Variants in DPF3 observed in about 807,000 individuals in gnomAD.
DPF3 encodes the protein double PHD fingers 3.
DPF3 carries 18 observed loss-of-function variants against 56.8 expected under a neutral mutation model. The ratio of observed to expected loss-of-function variants is 0.32; its 90% CI spans 0.22 to 0.47. The LOEUF (loss-of-function observed/expected upper bound fraction) is 0.47. Among genes scored for constraint, DPF3 ranks in the 20% least tolerant of loss-of-function variants. The probability of loss-of-function intolerance (pLI) is 1.00; values close to 1 mark genes in which losing one functional copy is unlikely to be tolerated. For missense variants in DPF3, 403 were observed against 488.8 expected (o/e 0.82, Z 1.65); for synonymous variants, 188 against 180.2 (o/e 1.04, Z -0.35).
At position 72,717,808 on chromosome 14, in the gene DPF3, C is replaced by T. The variant is rs547303723; in HGVS notation, c.526-3307G>A. 5.9e-5 allele frequency among the ~76,000 whole-genome samples: 9 copies of T among 152,326 alleles called. No homozygotes were observed. In the South Asian group the frequency reaches 1.9e-3, roughly 32 times the overall value. On this transcript the variant is annotated intron_variant, in intron 5 of 10. Transcript: ENST00000556509. ...GGTCTCCAGGCTCTGTTATAGAAAG[C>T]TTTGAAGGTGACCAGCCAAAGGAAG...
intron 1 of DPF3, among the ~76,000 whole-genome samples, chr14:72,889,248 C>T (rs1382540857): frequency 6.6e-6 from 1 of 152,156 alleles, no homozygotes; most frequent in Admixed American, 6.5e-5. Context: ...AGAGGTTTAC[C>T]CTGTGACAAT....
chr14:72,686,180 C>A (rs1887403349), intron 7 of DPF3, among the ~76,000 whole-genome samples: 1 of 152,218 alleles, frequency 6.6e-6, no homozygotes, highest in Admixed American at 6.5e-5. Context: ...CTGATAGTTA[C>A]TGCTGATGCC....
intron 1 of DPF3, among the ~76,000 whole-genome samples, chr14:72,848,969 AT>A (rs1452501931): frequency 1.3e-5 from 2 of 152,126 alleles, no homozygotes; most frequent in Non-Finnish European, 2.9e-5. Context: ...TATGGCATTC[AT>A]TTTCATTCAA....
chr14:72,699,676 G>C (rs1888076962), intron 6 of DPF3, among the ~76,000 whole-genome samples: 1 of 152,110 alleles, frequency 6.6e-6, no homozygotes, highest in African/African-American at 2.4e-5. Flanking sequence ...CACGGACCAG[G>C]CCCACTCCAA....
At position 72,800,433 on chromosome 14, in the gene DPF3, G is replaced by GATGGATGC. The variant is rs1192676807; in HGVS notation, c.33-28548_33-28541dup. Among the ~76,000 whole-genome samples the GATGGATGC allele has an allele frequency of 4.0e-4, 61 of 151,914 alleles. 1 individual carries two copies. Among genetic ancestry groups the GATGGATGC allele is most frequent in the Admixed American group, 3.7e-3 (56 of 15,160 alleles). ...GGATGGATGGATGGACGGACACATG[G>GATGGATGC]ATGGATGCATGGATGCATGGATGGA... On this transcript the variant is annotated intron_variant, in intron 1 of 10. Coordinates refer to ENST00000556509, the MANE Select transcript of DPF3 (RefSeq NM_001280542.3).
chr14:72,682,215 A>G (rs963489497), intron 7 of DPF3, among the ~76,000 whole-genome samples: 2 of 147,048 alleles, frequency 1.4e-5, no homozygotes, highest in African/African-American at 5.2e-5. Context: ...ACTCTGTCTC[A>G]AGAAAAAAAA....
rs968186381 is a variant in DPF3, at chr14:72,609,365, G to A, written c.*9932C>T. ...CACCAGTCTTCTGAATGAAGAGTGA[G>A]TCCCGGGTCAGGAGTCCACATCAGG... On this transcript the variant is annotated 3_prime_UTR_variant, in exon 11 of 11. Transcript: ENST00000556509. 6.6e-6 allele frequency among the ~76,000 whole-genome samples: 1 copy of A among 152,170 alleles called. No individual in the cohort carries two copies. Among genetic ancestry groups the A allele is most frequent in the African/African-American group, 2.4e-5 (1 of 41,430 alleles).
chr14:72,635,654 CA>C (rs1885364005), intron 8 of DPF3, among the ~76,000 whole-genome samples: 1 of 152,194 alleles, frequency 6.6e-6, no homozygotes, highest in Non-Finnish European at 1.5e-5. Context: ...TAACCTAAGT[CA>C]CTTACTAGTC....
intron 7 of DPF3, 47 bp downstream of exon 7, chr14:72,693,029 G>A (rs1230222161): frequency 8.7e-6 from 14 of 1,611,416 alleles, no homozygotes; most frequent in Non-Finnish European, 1.1e-5. Flanking sequence ...TCCCCAGCCT[G>A]TCTAACCCAC....
At chr14:72,842,212 T>C (rs2140069655) in intron 1 of DPF3, among the ~76,000 whole-genome samples, 1 of 152,102 alleles carries the variant, frequency 6.6e-6, no homozygotes. Flanking sequence ...AACATACGCC[T>C]GCCCCATGAC....
chr14:72,690,571 AC>A (rs1480098832), intron 7 of DPF3, among the ~76,000 whole-genome samples: 50 of 150,830 alleles, frequency 3.3e-4, no homozygotes, highest in East Asian at 1.0e-3. Context: ...CACACACACA[AC>A]GTACATACAC....
chr14:72,690,572 C>A (rs10220279), intron 7 of DPF3, among the ~76,000 whole-genome samples: 71,256 of 151,386 alleles, frequency 0.47, 17,947 homozygotes, highest in East Asian at 0.95. Flanking sequence ...ACACACACAA[C>A]GTACATACAC....
At chr14:72,737,796 C>G (rs1599397102) in intron 3 of DPF3, among the ~76,000 whole-genome samples, 1 of 152,126 alleles carries the variant, frequency 6.6e-6, no homozygotes, top group East Asian at 1.9e-4. Context: ...ATCATGGGCT[C>G]CCTCTGATGC....
chr14:72,713,641 A>G, intron 6 of DPF3, among the ~76,000 whole-genome samples: 1 of 152,350 alleles, frequency 6.6e-6, no homozygotes, highest in South Asian at 2.1e-4. Context: ...GCCCTCCCAT[A>G]GAATGAGCAA....
intron 8 of DPF3, among the ~76,000 whole-genome samples, chr14:72,643,966 C>T (rs1418077603): frequency 6.6e-6 from 1 of 152,146 alleles, no homozygotes; most frequent in Non-Finnish European, 1.5e-5. Flanking sequence ...CCTTTCAATC[C>T]TTTTCCCCCT....
chr14:72,780,914 C>G (rs1377843603), intron 1 of DPF3, among the ~76,000 whole-genome samples: 1 of 152,226 alleles, frequency 6.6e-6, no homozygotes, highest in Non-Finnish European at 1.5e-5. Context: ...CAAAAGAATG[C>G]TCTCAAACTC....
chr14:72,668,091 C>A (rs993237270), intron 8 of DPF3, among the ~76,000 whole-genome samples: 2 of 152,128 alleles, frequency 1.3e-5, no homozygotes, highest in Non-Finnish European at 2.9e-5. Context: ...ATGCCTCACA[C>A]AAAAATGTAG....
intron 1 of DPF3, among the ~76,000 whole-genome samples, chr14:72,848,764 G>A (rs905632482): frequency 1.3e-5 from 2 of 152,218 alleles, no homozygotes; most frequent in Non-Finnish European, 2.9e-5. Context: ...AGGACAGAGA[G>A]AGTAGGTTTA....
chr14:72,698,444 C>T (rs1030186669), intron 6 of DPF3, among the ~76,000 whole-genome samples: 2 of 152,172 alleles, frequency 1.3e-5, no homozygotes, highest in Admixed American at 6.5e-5. Context: ...TTTGAGGGGC[C>T]AAGGTGGGAG....
Sources: allele counts gnomAD v4.1 joint callset (sites outside exome capture counted in the v4.1 genomes callset), GRCh38; gene constraint gnomAD v4.1.1; transcripts MANE v1.5; gene names NCBI Gene and HGNC (gene_info 2026-07-23, HGNC 2026-07-21).